The following TSACC variants were observed in gnomAD, a reference collection of about 807,000 sequenced individuals.
TSACC encodes TSSK6-activating co-chaperone protein.
TSACC carries 3 observed loss-of-function variants against 6.9 expected under a neutral mutation model. That is an observed-to-expected ratio of 0.43 (90% confidence interval 0.20 to 1.12). The LOEUF (loss-of-function observed/expected upper bound fraction) is 1.12, where lower values mean the gene tolerates loss of function less well. Among genes scored for constraint, TSACC ranks in the 50% most tolerant of loss-of-function variants. TSACC has a pLI of 0.28. For missense variants in TSACC, 137 were observed against 143.9 expected (o/e 0.95, Z 0.24); for synonymous variants, 54 against 55.1 (o/e 0.98, Z 0.09).
chr1:156,339,236 C>A (rs1180561387), intron 1 of TSACC, among the ~76,000 whole-genome samples: 1 of 151,638 alleles, frequency 6.6e-6, no homozygotes, highest in Admixed American at 6.6e-5. Flanking sequence ...TGCACTCCAG[C>A]CTGGCGACAG....
At chr1:156,344,779 C>T in intron 3 of TSACC, 71 bp downstream of exon 3, 2 of 1,561,270 alleles carry the variant, frequency 1.3e-6, no homozygotes, top group Non-Finnish European at 1.7e-6. Flanking sequence ...GTGGCTTGAG[C>T]TGTCGCCTAT....
chr1:156,338,089 C>A, upstream of TSACC: 1 of 1,540,304 alleles, frequency 6.5e-7, no homozygotes, highest in South Asian at 1.2e-5. Context: ...GCTGGGGCAA[C>A]ACTGAAAAGT....
At chr1:156,345,852 G>T (rs868754634) in intron 3 of TSACC, among the ~76,000 whole-genome samples, 1 of 149,470 alleles carries the variant, frequency 6.7e-6, no homozygotes, top group African/African-American at 2.5e-5. Context: ...GGGAGACAGA[G>T]CAAGGCTCCA....
upstream of TSACC, chr1:156,338,475 G>T: frequency 1.9e-6 from 1 of 525,956 alleles, no homozygotes; most frequent in Non-Finnish European, 3.4e-6. Flanking sequence ...TAGGGTGGCC[G>T]CTCCCGGCCG....
chr1:156,346,685 T>C, intron 3 of TSACC, 83 bp from the exon 4 acceptor site: 1 of 1,384,260 alleles, frequency 7.2e-7, no homozygotes, highest in South Asian at 1.2e-5. Flanking sequence ...GAGGTCATTT[T>C]ATTAGGGTCC....
chr1:156,346,705 C>T (rs1009296775), intron 3 of TSACC, 63 bp from the exon 4 acceptor site: 2 of 1,522,458 alleles, frequency 1.3e-6, no homozygotes, highest in Non-Finnish European at 1.8e-6. Flanking sequence ...CTTCCAACCT[C>T]AGTACAATTA....
At chr1:156,338,329 C>G, upstream of TSACC, 2 of 741,222 alleles carry the variant, frequency 2.7e-6, no homozygotes, top group Non-Finnish European at 4.6e-6. Context: ...TCGCCAATCA[C>G]CGCACCCATC....
upstream of TSACC, chr1:156,337,800 A>AAG (rs1553304413): frequency 3.0e-6 from 1 of 336,620 alleles, no homozygotes; most frequent in Non-Finnish European, 5.4e-6. Flanking sequence ...CTGAAAAAAA[A>AAG]ACAAAAAAAA....
chr1:156,338,301 C>T (rs941033130), upstream of TSACC: 44 of 973,410 alleles, frequency 4.5e-5, no homozygotes, highest in Admixed American at 3.5e-4. Context: ...ACACCTCAAC[C>T]CGCTACTCTC....
chr1:156,344,592 AG>A lies in TSACC; in HGVS notation c.49del (p.Glu17LysfsTer29), dbSNP rs1237051483. The stretch of plus-strand genomic sequence containing the variant: ...ATCTCTGATTTAGTTCCAGCCAAAG[AG>A]GAAGCTAATGCTGTGCCTCTCTGTA... The part of the protein sequence containing the change: ...SHPNRKVPAK[E>X]EANAVPLCRA... On this transcript the variant is annotated frameshift_variant, in exon 3 of 4. Transcript: ENST00000368254. LOFTEE classifies it high-confidence loss of function. 6.2e-7 allele frequency: 1 copy of A among 1,613,952 alleles called. No homozygotes were observed. The highest frequency in any genetic ancestry group is 1.7e-5 in the Admixed American group (1 of 59,994).
chr1:156,339,612 T>A, intron 1 of TSACC, 22 bp from the exon 2 acceptor site: 1 of 926,528 alleles, frequency 1.1e-6, no homozygotes. Flanking sequence ...TGAAATAGAG[T>A]TTCCTACTTT....
upstream of TSACC, chr1:156,338,239 TGG>T (rs1665545680): frequency 2.6e-6 from 4 of 1,543,870 alleles, no homozygotes; most frequent in Admixed American, 6.0e-5. Flanking sequence ...CAGAACCTTC[TGG>T]AGAGAGAGAA....
intron 3 of TSACC, among the ~76,000 whole-genome samples, chr1:156,346,207 A>G (rs1425525409): frequency 6.6e-6 from 1 of 151,774 alleles, no homozygotes; most frequent in Non-Finnish European, 1.5e-5. Context: ...AAAAAAAAAA[A>G]AAAAGAAAAA....
chr1:156,345,605 T>C (rs1322619329), intron 3 of TSACC, among the ~76,000 whole-genome samples: 1 of 151,574 alleles, frequency 6.6e-6, no homozygotes, highest in Non-Finnish European at 1.5e-5. Flanking sequence ...CGGTGGCTCA[T>C]GCCTGTAATC....
At chr1:156,339,507 GA>G (rs1558279586) in intron 1 of TSACC, 126 bp from the exon 2 acceptor site, 20 of 457,100 alleles carry the variant, frequency 4.4e-5, no homozygotes, top group Non-Finnish European at 6.3e-5. Context: ...ATTTTGTCCA[GA>G]AAAAAAAGGA....
rs1666058661 is a variant in TSACC at position 156,344,494 on chromosome 1, C to T, written c.35-86C>T. ...CATATTCACGGCAGGGCCTGGGCAC[C>T]TGCTTTCATGGACCAGGTGCAGGGA... On this transcript the variant is annotated intron_variant, in intron 2 of 3. Coordinates refer to ENST00000368254, the MANE Select transcript of TSACC (RefSeq NM_001304817.2). 3.9e-6 allele frequency: 6 copies of T among 1,532,650 alleles called. No individual in the cohort carries two copies. In the South Asian group the frequency reaches 7.3e-5, roughly 19 times the overall value. The allele number at this position is 1,532,650 out of a possible 1,614,324, so 94.9% of individuals were successfully genotyped here. A position where few individuals can be genotyped will look rare whatever the true frequency, so the allele number is the denominator to read the frequency against.
chr1:156,340,568 TCTC>T (rs1387125395), intron 2 of TSACC, among the ~76,000 whole-genome samples: 2 of 150,884 alleles, frequency 1.3e-5, no homozygotes, highest in Admixed American at 6.6e-5. Context: ...TTCAAGCAAT[TCTC>T]CTGCCTCAGC....
chr1:156,342,935 C>T (rs1016708304), intron 2 of TSACC, among the ~76,000 whole-genome samples: 2 of 152,226 alleles, frequency 1.3e-5, no homozygotes, highest in African/African-American at 4.8e-5. Flanking sequence ...TTACCTAGTT[C>T]CAGCTGTCTG....
chr1:156,338,076 G>C (rs1665529586), upstream of TSACC: 1 of 1,486,786 alleles, frequency 6.7e-7, no homozygotes, highest in Non-Finnish European at 9.2e-7. Flanking sequence ...AGTGGGGGAC[G>C]GAGCTGGGGC....
Sources: allele counts gnomAD v4.1 joint callset (sites outside exome capture counted in the v4.1 genomes callset), GRCh38; gene constraint gnomAD v4.1.1; transcripts MANE v1.5; gene names NCBI Gene and HGNC (gene_info 2026-07-23, HGNC 2026-07-21).